STK33: variants seen among roughly 807,000 people sequenced by gnomAD.
STK33 encodes serine/threonine-protein kinase 33.
In STK33, 52 loss-of-function variants were observed where a neutral mutation model predicts 58.0. The observed-to-expected ratio is 0.90, with a 90% confidence interval of 0.72 to 1.13. The LOEUF (loss-of-function observed/expected upper bound fraction) is 1.13. STK33 is among the 50% of genes most tolerant of loss of function. The pLI is 0.00. For missense variants in STK33, 630 were observed against 604.2 expected (o/e 1.04, Z -0.45); for synonymous variants, 215 against 200.1 (o/e 1.07, Z -0.63).
the STK33 span, among the ~76,000 whole-genome samples, chr11:8,379,750 A>AT: frequency 6.6e-6 from 1 of 152,038 alleles, no homozygotes; most frequent in Non-Finnish European, 1.5e-5. Flanking sequence ...CCCATTAGTT[A>AT]TTTTTTCTGA....
chr11:8,575,935 G>A (rs1958151041), intron 1 of STK33, among the ~76,000 whole-genome samples: 1 of 152,040 alleles, frequency 6.6e-6, no homozygotes, highest in Non-Finnish European at 1.5e-5. Flanking sequence ...TACCTTACAA[G>A]TCTTAACAAG....
chr11:8,500,197 T>C (rs1225258698), intron 1 of STK33, among the ~76,000 whole-genome samples: 1 of 152,064 alleles, frequency 6.6e-6, no homozygotes, highest in Non-Finnish European at 1.5e-5. Context: ...GGTCCTACAC[T>C]ACAGCACAAT....
chr11:8,476,012 T>C (rs958899330), intron 4 of STK33, among the ~76,000 whole-genome samples: 9 of 152,202 alleles, frequency 5.9e-5, no homozygotes, highest in African/African-American at 2.2e-4. Flanking sequence ...CAGAAAGCTG[T>C]GCTTTTATCA....
At chr11:8,338,599 ACCCTAGGCCAGG>A in the STK33 span, among the ~76,000 whole-genome samples, 1 of 151,576 alleles carries the variant, frequency 6.6e-6, no homozygotes, top group African/African-American at 2.4e-5. Context: ...CCCTTACTAT[ACCCTAGGCCAGG>A]TGGTGGGTAT....
At chr11:8,584,897 A>G (rs1217817114) in intron 1 of STK33, among the ~76,000 whole-genome samples, 2 of 151,930 alleles carry the variant, frequency 1.3e-5, no homozygotes, top group Admixed American at 6.6e-5. Context: ...CTTAGAGAAA[A>G]TGCTACAGAC....
At chr11:8,386,182 G>C in the STK33 span, among the ~76,000 whole-genome samples, 1 of 152,210 alleles carries the variant, frequency 6.6e-6, no homozygotes, top group African/African-American at 2.4e-5. Flanking sequence ...GTGGTAGTCA[G>C]ACTATTCCCC....
chr11:8,474,410 A>C (rs1171094001), intron 5 of STK33, among the ~76,000 whole-genome samples: 1 of 152,114 alleles, frequency 6.6e-6, no homozygotes, highest in East Asian at 1.9e-4. Context: ...AAACCAATTC[A>C]TTTCTGTATA....
the STK33 span, among the ~76,000 whole-genome samples, chr11:8,386,656 A>G: frequency 2.0e-5 from 3 of 152,206 alleles, no homozygotes; most frequent in Non-Finnish European, 4.4e-5. Context: ...CGCGGAGCCT[A>G]TGGGAACATG....
chr11:8,343,538 G>A, the STK33 span, among the ~76,000 whole-genome samples: 1 of 152,042 alleles, frequency 6.6e-6, no homozygotes, highest in African/African-American at 2.4e-5. Context: ...GAAATCCCCC[G>A]CACACTCGGG....
At chr11:8,395,142 T>A (rs1230384262) in intron 15 of STK33, among the ~76,000 whole-genome samples, 1 of 152,212 alleles carries the variant, frequency 6.6e-6, no homozygotes, top group Admixed American at 6.5e-5. Flanking sequence ...TATGGTTCAA[T>A]CTAATTCATT....
chr11:8,517,830 T>C lies in STK33; in HGVS notation c.-465-37216A>G, dbSNP rs142545686. ...AAACGAATGAAGCCTCCAAGAAATA[T>C]GGGACTAGGTGAAAAGACCAAATCT... On this transcript the variant is annotated intron_variant, in intron 1 of 15. Transcript: ENST00000687296. Among the ~76,000 whole-genome samples, 470 of 152,146 alleles carry C rather than the reference T, an allele frequency of 3.1e-3. 4 individuals are homozygous for C. Among genetic ancestry groups the C allele is most frequent in the African/African-American group, 0.011 (453 of 41,504 alleles).
chr11:8,586,932 C>T (rs1466025356), intron 1 of STK33, among the ~76,000 whole-genome samples: 1 of 151,154 alleles, frequency 6.6e-6, no homozygotes, highest in Non-Finnish European at 1.5e-5. Context: ...AAAAACCTAG[C>T]ATAGTATCTG....
chr11:8,354,922 C>CGA, the STK33 span, among the ~76,000 whole-genome samples: 1 of 152,218 alleles, frequency 6.6e-6, no homozygotes, highest in Admixed American at 6.5e-5. Context: ...GACTTCATGC[C>CGA]GAGAGAGAAG....
chr11:8,500,007 C>T lies in STK33; in HGVS notation c.-465-19393G>A, dbSNP rs548329779. Among the ~76,000 whole-genome samples, 7 of 152,118 alleles carry T rather than the reference C, an allele frequency of 4.6e-5. No individual in the cohort carries two copies. In the South Asian group the frequency reaches 1.2e-3, roughly 27 times the overall value. On this transcript the variant is annotated intron_variant, in intron 1 of 15. Transcript: ENST00000687296. ...ATGGGTGCAGTAAACCACCATGGCA[C>T]GTGTATACCTATGTAACAAACCTAC...
At chr11:8,509,869 A>T (rs1054999471) in intron 1 of STK33, among the ~76,000 whole-genome samples, 7 of 152,158 alleles carry the variant, frequency 4.6e-5, no homozygotes, top group Admixed American at 2.0e-4. Context: ...ATAGTATTCC[A>T]TGCTGTGTAC....
intron 1 of STK33, among the ~76,000 whole-genome samples, chr11:8,557,257 A>G (rs71474994): frequency 2.2e-4 from 4 of 17,960 alleles, no homozygotes; most frequent in Middle Eastern, 0.031. Context: ...TGGGGAAGGG[A>G]AGGGGAGGGG....
intron 14 of STK33, among the ~76,000 whole-genome samples, chr11:8,429,617 C>G (rs1203523327): frequency 6.6e-6 from 1 of 152,142 alleles, no homozygotes; most frequent in Non-Finnish European, 1.5e-5. Flanking sequence ...TCTCCGGTTT[C>G]TGCTTGCCAC....
chr11:8,407,870 A>C (rs953504871), intron 15 of STK33, among the ~76,000 whole-genome samples: 1 of 152,184 alleles, frequency 6.6e-6, no homozygotes, highest in Non-Finnish European at 1.5e-5. Flanking sequence ...AAAGTGAAGA[A>C]GAACACGCTT....
At chr11:8,479,766 C>G (rs1394934932) in intron 2 of STK33, among the ~76,000 whole-genome samples, 1 of 152,054 alleles carries the variant, frequency 6.6e-6, no homozygotes, top group Admixed American at 6.6e-5. Context: ...TCGTTTGAAC[C>G]CAGGAGGCAG....
Sources: allele counts gnomAD v4.1 joint callset (sites outside exome capture counted in the v4.1 genomes callset), GRCh38; gene constraint gnomAD v4.1.1; transcripts MANE v1.5; gene names NCBI Gene and HGNC (gene_info 2026-07-23, HGNC 2026-07-21).